The following IL1RAPL1 variants were observed in gnomAD, a reference collection of about 807,000 sequenced individuals.
IL1RAPL1 encodes interleukin-1 receptor accessory protein-like 1.
Under a neutral mutation model 48.4 loss-of-function variants are expected in IL1RAPL1, and 3 were observed. The ratio of observed to expected loss-of-function variants is 0.06; its 90% confidence interval spans 0.03 to 0.16. The LOEUF (loss-of-function observed/expected upper bound fraction) is 0.16, where lower values mean the gene tolerates loss of function less well. Among genes scored for constraint, IL1RAPL1 ranks in the 10% least tolerant of loss-of-function variants. IL1RAPL1 has a pLI of 1.00. For synonymous variants in IL1RAPL1, 185 were observed against 187.7 expected, an observed-to-expected ratio of 0.99 and a Z score of 0.12; for missense variants, 349 against 530.6, an observed-to-expected ratio of 0.66 and a Z score of 3.36.
At chrX:28,641,831 GT>G (rs1175377682) in intron 1 of IL1RAPL1, among the ~76,000 whole-genome samples, 3 of 110,456 alleles carry the variant, frequency 2.7e-5, no homozygotes, top group Non-Finnish European at 5.7e-5. Flanking sequence ...GATGATGAGT[GT>G]TTTTTTTCAT....
At chrX:29,237,346 A>G (rs937813706) in intron 2 of IL1RAPL1, among the ~76,000 whole-genome samples, 5 of 111,927 alleles carry the variant, frequency 4.5e-5, no homozygotes, top group Non-Finnish European at 9.4e-5. Flanking sequence ...ACCGCACCCA[A>G]TCATTAAACA....
chrX:29,025,580 C>T (rs942741084), intron 2 of IL1RAPL1, among the ~76,000 whole-genome samples: 2 of 111,535 alleles, frequency 1.8e-5, no homozygotes, highest in African/African-American at 6.5e-5. Flanking sequence ...TGGGTTCCTA[C>T]TATATTCTAG....
intron 1 of IL1RAPL1, among the ~76,000 whole-genome samples, chrX:28,655,222 G>A (rs1029979187): frequency 7.2e-5 from 8 of 110,665 alleles, no homozygotes; most frequent in African/African-American, 2.6e-4. Flanking sequence ...TGTAAGAAAA[G>A]TTGGTAAAAA....
rs187166671 is a variant in IL1RAPL1, at chrX:29,876,192, C to T, written c.779-41272C>T. Among the ~76,000 whole-genome samples the T allele has an allele frequency of 3.3e-4, 36 of 110,218 alleles. 1 individual carries two copies. Among genetic ancestry groups the T allele is most frequent in the African/African-American group, 9.9e-4 (30 of 30,360 alleles). ...TCATATAGAGATACAGTTTGTATGC[C>T]AAAAAAAATGTAGTCCTCTATACAG... On this transcript the variant is annotated intron_variant, in intron 6 of 10. Transcript: ENST00000378993.
chrX:29,385,456 TA>T (rs1343747221), intron 3 of IL1RAPL1, among the ~76,000 whole-genome samples: 4 of 107,690 alleles, frequency 3.7e-5, no homozygotes, highest in Non-Finnish European at 5.8e-5. Context: ...TCCGTCTCAA[TA>T]AAAAAAAAAG....
intron 9 of IL1RAPL1, among the ~76,000 whole-genome samples, chrX:29,953,974 G>A (rs1332084387): frequency 9.1e-6 from 1 of 110,329 alleles, no homozygotes; most frequent in Admixed American, 9.7e-5. Context: ...GGTGGCTCAC[G>A]CCTGTAATCC....
intron 6 of IL1RAPL1, among the ~76,000 whole-genome samples, chrX:29,772,459 T>C (rs969514413): frequency 1.9e-4 from 21 of 110,867 alleles, no homozygotes; most frequent in African/African-American, 6.9e-4. Flanking sequence ...TAAATGTGTA[T>C]GTTTGTGTGC....
At chrX:29,138,976 A>G (rs1312750465) in intron 2 of IL1RAPL1, among the ~76,000 whole-genome samples, 3 of 111,552 alleles carry the variant, frequency 2.7e-5, no homozygotes, top group African/African-American at 9.8e-5. Flanking sequence ...TATGAAAGTA[A>G]TGAGAATCAT....
At chrX:28,821,301 A>C (rs187865267) in intron 2 of IL1RAPL1, among the ~76,000 whole-genome samples, 1 of 110,974 alleles carries the variant, frequency 9.0e-6, no homozygotes, top group African/African-American at 3.3e-5. Flanking sequence ...CATTATCTAT[A>C]TTTACTTTGT....
chrX:28,876,388 G>A (rs984042322), intron 2 of IL1RAPL1, among the ~76,000 whole-genome samples: 4 of 112,259 alleles, frequency 3.6e-5, no homozygotes, highest in African/African-American at 6.5e-5. Context: ...CAAGGGCAAG[G>A]TGGCAAAGAA....
intron 5 of IL1RAPL1, among the ~76,000 whole-genome samples, chrX:29,632,327 T>A (rs1924802523): frequency 9.1e-6 from 1 of 109,783 alleles, no homozygotes; most frequent in Non-Finnish European, 1.9e-5. Context: ...TTTTTTGTAT[T>A]TTCAGTAGAG....
chrX:29,861,302 C>T (rs1478311647), intron 6 of IL1RAPL1, among the ~76,000 whole-genome samples: 1 of 111,048 alleles, frequency 9.0e-6, no homozygotes, highest in East Asian at 2.8e-4. Flanking sequence ...TTTCAAAACC[C>T]CTATTCCTGA....
At chrX:29,537,614 A>G in intron 5 of IL1RAPL1, among the ~76,000 whole-genome samples, 1 of 103,463 alleles carries the variant, frequency 9.7e-6, no homozygotes, top group East Asian at 3.0e-4. Context: ...TTGGGGAATG[A>G]TGAATATTTG....
chrX:29,618,257 C>T (rs758700578), intron 5 of IL1RAPL1, among the ~76,000 whole-genome samples: 10 of 112,058 alleles, frequency 8.9e-5, no homozygotes, highest in African/African-American at 2.3e-4. Context: ...CCCAAGCACT[C>T]AACAATTGAT....
intron 2 of IL1RAPL1, among the ~76,000 whole-genome samples, chrX:29,028,378 C>T (rs1376528110): frequency 9.5e-6 from 1 of 104,970 alleles, no homozygotes; most frequent in Non-Finnish European, 1.9e-5. Context: ...ATCTCTGCCT[C>T]CCAGGTTCAA....
intron 6 of IL1RAPL1, among the ~76,000 whole-genome samples, chrX:29,802,809 A>ATATATATG (rs1225063433): frequency 4.5e-4 from 21 of 46,760 alleles, no homozygotes; most frequent in African/African-American, 2.6e-3. Context: ...ATATATATAT[A>ATATATATG]TGTGTGTATA....
intron 6 of IL1RAPL1, among the ~76,000 whole-genome samples, chrX:29,901,532 C>T (rs1482169281): frequency 8.9e-6 from 1 of 111,979 alleles, no homozygotes; most frequent in African/African-American, 3.3e-5. Context: ...ATATTCTTTA[C>T]TTTCCTCCTC....
chrX:29,425,917 T>C (rs1362683915), intron 5 of IL1RAPL1, among the ~76,000 whole-genome samples: 1 of 111,472 alleles, frequency 9.0e-6, no homozygotes, highest in African/African-American at 3.3e-5. Context: ...CCTGAAGACA[T>C]CTCAACTAGT....
chrX:29,356,545 C>T (rs1164850461), intron 3 of IL1RAPL1, among the ~76,000 whole-genome samples: 2 of 80,817 alleles, frequency 2.5e-5, no homozygotes, highest in Middle Eastern at 4.7e-3. Context: ...TATACACACA[C>T]GTGCGTATGT....
Sources: allele counts gnomAD v4.1 joint callset (sites outside exome capture counted in the v4.1 genomes callset), GRCh38; gene constraint gnomAD v4.1.1; transcripts MANE v1.5; gene names NCBI Gene and HGNC (gene_info 2026-07-23, HGNC 2026-07-21).